Variants in FAM193A observed in about 807,000 individuals in gnomAD.
FAM193A encodes the protein protein FAM193A.
In FAM193A, 22 loss-of-function variants were observed where a neutral mutation model predicts 126.5. The observed-to-expected ratio is 0.17, with a 90% CI of 0.12 to 0.25. The LOEUF is 0.25. Among genes scored for constraint, FAM193A ranks in the 10% least tolerant of loss-of-function variants. The pLI, the probability that FAM193A is intolerant of heterozygous loss-of-function variation, is 1.00. For synonymous variants in FAM193A, 761 were observed against 646.8 expected, an observed-to-expected ratio of 1.18 and a Z score of -2.68; for missense variants, 1,675 against 1,672.8, an observed-to-expected ratio of 1.00 and a Z score of -0.02.
At chr4:2,647,642 C>T (rs953985531) in intron 7 of FAM193A, among the ~76,000 whole-genome samples, 2 of 152,222 alleles carry the variant, frequency 1.3e-5, no homozygotes, top group Non-Finnish European at 2.9e-5. Flanking sequence ...CAGCCCAAGC[C>T]TGTCAGACAG....
rs767342735 is a variant in FAM193A at position 2,694,968 on chromosome 4, C to T, written c.3115C>T (p.Arg1039Cys). The T allele has an allele frequency of 8.7e-6, 14 of 1,601,914 alleles. No homozygotes were observed. In the African/African-American group the frequency reaches 1.1e-4, roughly 12 times the overall value. ...VCSDPDCEGH[R>C]CENGVYDPQQ... ...CAGTGACCCTGACTGCGAAGGGCAC[C>T]GCTGCGAGAATGGTGTCTACGACCC... Residue 1039 changes from arginine (R) to cysteine (C), a missense_variant, in exon 17 of 21, where the codon CGC (arginine) becomes TGC (cysteine). Transcript: ENST00000637812.
At chr4:2,610,303 G>C (rs1741787809) in intron 2 of FAM193A, among the ~76,000 whole-genome samples, 2 of 152,084 alleles carry the variant, frequency 1.3e-5, no homozygotes, top group Non-Finnish European at 2.9e-5. Context: ...TGGTTACTAC[G>C]CCCATAGATC....
intron 1 of FAM193A, among the ~76,000 whole-genome samples, chr4:2,557,099 T>C (rs568028669): frequency 7.9e-5 from 12 of 152,250 alleles, no homozygotes; most frequent in African/African-American, 1.7e-4. Flanking sequence ...ACCTTTACCA[T>C]AGGTAAAGCT....
rs770927830 is a variant in FAM193A at position 2,659,676 on chromosome 4, G to T, written c.1502+6G>T. ...AACTGCAACTACAGGAGAAGGTAAG[G>T]CTGGGTTGTGGTGTCAGCACGACTG... On this transcript the variant is annotated splice_donor_region_variant and intron_variant, in intron 9 of 20. Coordinates refer to ENST00000637812, the MANE Select transcript of FAM193A (RefSeq NM_001366318.2). 6.2e-7 allele frequency: 1 copy of T among 1,613,652 alleles called. No individual in the cohort carries two copies. Among genetic ancestry groups the T allele is most frequent in the Non-Finnish European group, 8.5e-7 (1 of 1,179,546 alleles).
At chr4:2,678,614 C>T (rs899600998) in intron 13 of FAM193A, among the ~76,000 whole-genome samples, 4 of 151,500 alleles carry the variant, frequency 2.6e-5, no homozygotes, top group South Asian at 2.1e-4. Context: ...CCGCCCGCCT[C>T]GGCTTCCCAA....
chr4:2,722,674 G>C (rs1210146246), intron 20 of FAM193A, among the ~76,000 whole-genome samples: 2 of 152,156 alleles, frequency 1.3e-5, no homozygotes, highest in Admixed American at 6.5e-5. Context: ...GGAGTGAGGG[G>C]ATCAGTCTCA....
chr4:2,694,115 G>A (rs1366048249), intron 16 of FAM193A, among the ~76,000 whole-genome samples: 1 of 152,142 alleles, frequency 6.6e-6, no homozygotes, highest in Non-Finnish European at 1.5e-5. Context: ...GGCCAACTAC[G>A]CCTAAACACT....
intron 13 of FAM193A, among the ~76,000 whole-genome samples, chr4:2,686,788 G>C (rs1167108400): frequency 6.6e-6 from 1 of 152,224 alleles, no homozygotes; most frequent in African/African-American, 2.4e-5. Context: ...GCTGCTCAAA[G>C]CTAGCAGTTT....
At chr4:2,539,435 A>G (rs1197923550) in intron 1 of FAM193A, among the ~76,000 whole-genome samples, 4 of 152,058 alleles carry the variant, frequency 2.6e-5, no homozygotes, top group African/African-American at 9.7e-5. Flanking sequence ...TTGTTGTTTT[A>G]AAAGAGACAC....
chr4:2,597,326 G>T (rs968830341), intron 2 of FAM193A, among the ~76,000 whole-genome samples: 13 of 152,210 alleles, frequency 8.5e-5, no homozygotes, highest in Non-Finnish European at 1.5e-5. Flanking sequence ...TATTTTTATG[G>T]TTTTCTTTGT....
At chr4:2,600,877 T>C (rs1376190492) in intron 2 of FAM193A, among the ~76,000 whole-genome samples, 1 of 152,248 alleles carries the variant, frequency 6.6e-6, no homozygotes, top group Non-Finnish European at 1.5e-5. Context: ...CATGTATGTC[T>C]CTAGGTAGAT....
intron 2 of FAM193A, among the ~76,000 whole-genome samples, chr4:2,624,765 C>A (rs753067564): frequency 6.6e-6 from 1 of 152,198 alleles, no homozygotes; most frequent in East Asian, 1.9e-4. Context: ...TGGTCTCAAA[C>A]GTCTGGGCTC....
At chr4:2,557,219 A>G (rs1326889373) in intron 1 of FAM193A, among the ~76,000 whole-genome samples, 2 of 152,142 alleles carry the variant, frequency 1.3e-5, no homozygotes, top group Non-Finnish European at 1.5e-5. Context: ...CTCTCTCAGA[A>G]TATCTTATTA....
chr4:2,658,066 T>C (rs1361173659), intron 8 of FAM193A, among the ~76,000 whole-genome samples, 186 bp downstream of exon 8: 1 of 152,204 alleles, frequency 6.6e-6, no homozygotes, highest in Non-Finnish European at 1.5e-5. Context: ...TTTCACCTAT[T>C]TCCTTATCTT....
intron 2 of FAM193A, among the ~76,000 whole-genome samples, chr4:2,608,464 C>A (rs537040764): frequency 6.6e-6 from 1 of 152,264 alleles, no homozygotes; most frequent in African/African-American, 2.4e-5. Context: ...CTGCCTGCCA[C>A]GGCCTCCCAA....
At chr4:2,676,097 A>G (rs1714374629) in intron 13 of FAM193A, among the ~76,000 whole-genome samples, 1 of 152,204 alleles carries the variant, frequency 6.6e-6, no homozygotes, top group African/African-American at 2.4e-5. Flanking sequence ...TGAGTGTACA[A>G]ATATTTCAGG....
chr4:2,538,880 AACTTTATTATTTTT>A (rs886408455), intron 1 of FAM193A, among the ~76,000 whole-genome samples: 6 of 151,734 alleles, frequency 4.0e-5, no homozygotes, highest in Admixed American at 6.6e-5. Flanking sequence ...GGTAAAATAT[AACTTTATTATTTTT>A]ATTTATTTTT....
chr4:2,552,850 T>TTC (rs1738024065), intron 1 of FAM193A, among the ~76,000 whole-genome samples: 1 of 147,294 alleles, frequency 6.8e-6, no homozygotes, highest in African/African-American at 2.5e-5. Flanking sequence ...GAACTTTCTT[T>TTC]TTTTTTTTTT....
chr4:2,638,701 T>C (rs1468170359), intron 5 of FAM193A, among the ~76,000 whole-genome samples: 4 of 152,018 alleles, frequency 2.6e-5, no homozygotes, highest in African/African-American at 7.3e-5. Flanking sequence ...CAAATGTGTT[T>C]ATAGGTGTTT....
Sources: gnomAD v4.1 joint callset for allele counts (sites outside exome capture counted in the v4.1 genomes callset) on GRCh38, gnomAD v4.1.1 for gene constraint, MANE v1.5 for transcripts, NCBI Gene and HGNC (gene_info 2026-07-23, HGNC 2026-07-21) for gene names.